The following RIMBP2 variants were observed in gnomAD, a reference collection of about 807,000 sequenced individuals.
The protein encoded by RIMBP2 is RIMS-binding protein 2.
Under a neutral mutation model 118.6 loss-of-function variants are expected in RIMBP2, and 48 were observed. The ratio of observed to expected loss-of-function variants is 0.40; its 90% CI spans 0.32 to 0.51. RIMBP2 has a LOEUF of 0.51. Ranked by LOEUF, RIMBP2 falls within the 20% of genes least tolerant of loss-of-function variation. RIMBP2 has a pLI of 0.41. For missense variants in RIMBP2, 1,551 were observed against 1,768.3 expected, an observed-to-expected ratio of 0.88 and a Z score of 2.20; for synonymous variants, 762 against 742.9, an observed-to-expected ratio of 1.03 and a Z score of -0.42.
chr12:130,658,845 G>A (rs541013441), intron 1 of RIMBP2: 2 of 152,414 alleles, frequency 1.3e-5, no homozygotes, highest in East Asian at 3.9e-4. Flanking sequence ...GGTGGCAATA[G>A]ACCAGGCGGA....
chr12:130,634,026 C>T (rs1039515597), intron 1 of RIMBP2, among the ~76,000 whole-genome samples: 1 of 152,210 alleles, frequency 6.6e-6, no homozygotes, highest in African/African-American at 2.4e-5. Flanking sequence ...CGAATGGGAG[C>T]CGTTGGCACA....
chr12:130,515,297 G>C (rs556555611), intron 3 of RIMBP2, among the ~76,000 whole-genome samples: 7 of 152,138 alleles, frequency 4.6e-5, no homozygotes, highest in African/African-American at 1.4e-4. Context: ...TTTTACAACT[G>C]TCACTACCAC....
In RIMBP2 at chr12:130,623,459, T is replaced by C. The variant is rs927185567; in HGVS notation, c.-217+4863A>G. On this transcript the variant is annotated intron_variant, in intron 2 of 22. Transcript: ENST00000690449. This position sits in a 1 kb window ranked among gnomAD's most constrained non-coding sequence, Gnocchi z 4.1. ...CACATTTGCACAGATTCTCGAGTAA[T>C]GTACACAGGTAGCATGGACAAGTAT... 6.6e-6 allele frequency among the ~76,000 whole-genome samples: 1 copy of C among 150,408 alleles called. No homozygotes were observed. The highest frequency in any genetic ancestry group is 1.5e-5 in the Non-Finnish European group (1 of 67,664).
rs67355568 is a variant in RIMBP2, at chr12:130,593,944, G to C, written c.-217+34378C>G. 1.3e-5 allele frequency among the ~76,000 whole-genome samples: 2 copies of C among 151,982 alleles called. 1 individual carries two copies. Among genetic ancestry groups the C allele is most frequent in the Non-Finnish European group, 2.9e-5 (2 of 68,010 alleles). On this transcript the variant is annotated intron_variant, in intron 2 of 22. Coordinates refer to ENST00000690449, the MANE Select transcript of RIMBP2 (RefSeq NM_001393629.1). ...ATGAGGTTCTCTTCTGGTGGTTTGCGTTACAATGTCTTCCAGCTCCACACC... is the reference window on the plus strand; with the variant it reads ...ATGAGGTTCTCTTCTGGTGGTTTGCCTTACAATGTCTTCCAGCTCCACACC...
At position 130,397,362 on chromosome 12, in the gene RIMBP2, C is replaced by A; in HGVS notation, c.4088G>T (p.Ter1363LeuextTer12). ...KLLKKLGAVK[*>L] is the part of the protein sequence containing the mutation. ...GGCAGTTGTCCGGAAGCACATGAAT[C>A]ATTTCACTGCACCCAGCTTTTTCAG... is the stretch of plus-strand genomic sequence containing the variant. The change falls in exon 23 of 23, where the codon TGA becomes TTA. Residue 1363 changes from the stop codon to leucine, a stop_lost. Coordinates refer to ENST00000690449, the MANE Select transcript of RIMBP2 (RefSeq NM_001393629.1). The A allele has an allele frequency of 2.5e-6, 1 of 398,998 alleles. No homozygotes were observed. Among genetic ancestry groups the A allele is most frequent in the South Asian group, 1.3e-4 (1 of 7,820 alleles). The allele number at this position is 398,998 out of a possible 1,614,324, so 24.7% of individuals were successfully genotyped here. A position where few individuals can be genotyped will look rare whatever the true frequency, so the allele number is the denominator to read the frequency against.
chr12:130,464,384 T>C (rs1485158133), intron 6 of RIMBP2, among the ~76,000 whole-genome samples: 1 of 152,164 alleles, frequency 6.6e-6, no homozygotes, highest in Non-Finnish European at 1.5e-5. Flanking sequence ...GAATACCTAC[T>C]ATGTGCCAGG....
At chr12:130,438,309 G>C (rs964563012) in intron 12 of RIMBP2, 56 bp downstream of exon 12, 11 of 1,593,672 alleles carry the variant, frequency 6.9e-6, no homozygotes, top group Non-Finnish European at 6.0e-6. Context: ...TACCGGGCCG[G>C]TCCCTGCTGC....
chr12:130,588,750 T>A (rs2059076158), intron 2 of RIMBP2, among the ~76,000 whole-genome samples: 1 of 152,246 alleles, frequency 6.6e-6, no homozygotes, highest in African/African-American at 2.4e-5. Flanking sequence ...TATCCTGTCA[T>A]CTGTTGAACA....
intron 5 of RIMBP2, chr12:130,472,210 G>A (rs1462984594): frequency 6.6e-6 from 1 of 152,178 alleles, no homozygotes; most frequent in Non-Finnish European, 1.5e-5. Flanking sequence ...TTCAGTGATG[G>A]GCACAAAAAC....
chr12:130,685,762 C>T (rs2065010245), intron 1 of RIMBP2, among the ~76,000 whole-genome samples: 1 of 152,200 alleles, frequency 6.6e-6, no homozygotes. Context: ...GGATGAGATT[C>T]ACAGATGCCC....
chr12:130,608,020 A>T (rs1182644359), intron 2 of RIMBP2, among the ~76,000 whole-genome samples: 1 of 152,138 alleles, frequency 6.6e-6, no homozygotes, highest in African/African-American at 2.4e-5. Flanking sequence ...TTGCCACTGA[A>T]GTAAATATGC....
At chr12:130,684,246 C>A (rs1265648292) in intron 1 of RIMBP2, among the ~76,000 whole-genome samples, 1 of 152,148 alleles carries the variant, frequency 6.6e-6, no homozygotes, top group Non-Finnish European at 1.5e-5. Context: ...CATCCCTACC[C>A]CCACCCACAC....
At chr12:130,606,812 G>C (rs2060218540) in intron 2 of RIMBP2, among the ~76,000 whole-genome samples, 1 of 152,052 alleles carries the variant, frequency 6.6e-6, no homozygotes, top group African/African-American at 2.4e-5. Context: ...GGCCGCAACA[G>C]TCCGAGTCAC....
rs568494232 is a variant in RIMBP2 at position 130,468,829 on chromosome 12, C to G, written c.153+1864G>C. ...CTCTCCTCTGCGGTCATCTGAACCC[C>G]AGGACTGCTCTCCCAGCCTGACAGT... On this transcript the variant is annotated intron_variant, in intron 6 of 22. Coordinates refer to ENST00000690449, the MANE Select transcript of RIMBP2 (RefSeq NM_001393629.1). 2.2e-4 allele frequency among the ~76,000 whole-genome samples: 33 copies of G among 152,332 alleles called. No homozygotes were observed. In the East Asian group the frequency reaches 4.2e-3, roughly 20 times the overall value.
rs1162638412 is a variant in RIMBP2 at position 130,469,829 on chromosome 12, C to CGTCA, written c.153+863_153+864insTGAC. Among the ~76,000 whole-genome samples the CGTCA allele has an allele frequency of 1.3e-5, 2 of 152,186 alleles. No individual in the cohort carries two copies. Among genetic ancestry groups the CGTCA allele is most frequent in the Non-Finnish European group, 2.9e-5 (2 of 68,028 alleles). ...TTACCGGGAGGACGCCACCCCAGGG[C>CGTCA]AGATCCCCTCCGAGGTAAATCTCTC... On this transcript the variant is annotated intron_variant, in intron 6 of 22. Coordinates refer to ENST00000690449, the MANE Select transcript of RIMBP2 (RefSeq NM_001393629.1). This position sits in a 1 kb window ranked among gnomAD's most constrained non-coding sequence, Gnocchi z 4.8.
At chr12:130,490,452 T>C (rs574296703) in intron 4 of RIMBP2, among the ~76,000 whole-genome samples, 1 of 152,318 alleles carries the variant, frequency 6.6e-6, no homozygotes, top group South Asian at 2.1e-4. Flanking sequence ...TCTTCCCAAC[T>C]AGGAAAGCTT....
intron 2 of RIMBP2, among the ~76,000 whole-genome samples, chr12:130,553,108 G>A (rs997390065): frequency 4.0e-5 from 6 of 150,314 alleles, no homozygotes; most frequent in African/African-American, 7.3e-5. Context: ...AGCCGAGATC[G>A]CACCACTGCA....
At position 130,621,334 on chromosome 12, in the gene RIMBP2, G is replaced by A. The variant is rs1044011544; in HGVS notation, c.-217+6988C>T. 3.9e-5 allele frequency among the ~76,000 whole-genome samples: 6 copies of A among 152,144 alleles called. No individual in the cohort carries two copies. The highest frequency in any genetic ancestry group is 2.1e-4 in the South Asian group (1 of 4,820). On this transcript the variant is annotated intron_variant, in intron 2 of 22. Coordinates refer to ENST00000690449, the MANE Select transcript of RIMBP2 (RefSeq NM_001393629.1). This position sits in a 1 kb window ranked among gnomAD's most constrained non-coding sequence, Gnocchi z 6.6. ...CTGTAGATATGATAATACAATGTGGGAACAGCGCCAGGCCTGTGAACTCCA... is the reference window on the plus strand; with the variant it reads ...CTGTAGATATGATAATACAATGTGGAAACAGCGCCAGGCCTGTGAACTCCA...
In RIMBP2 at chr12:130,399,007, ATCTT is replaced by A; in HGVS notation, c.3900+668_3900+671del. ...AGTTTTTTGAGACATATTTCTTTGT[ATCTT>A]TTTTTTTTTTTAACCCCACAATGAA... On this transcript the variant is annotated intron_variant, in intron 22 of 22. Transcript: ENST00000690449. 3 of 466,284 alleles carry A rather than the reference ATCTT, an allele frequency of 6.4e-6. No individual in the cohort carries two copies. In the South Asian group the frequency reaches 1.9e-4, roughly 30 times the overall value. The allele number at this position is 466,284 out of a possible 1,614,324, so 28.9% of individuals were successfully genotyped here. A position where few individuals can be genotyped will look rare whatever the true frequency, so the allele number is the denominator to read the frequency against.
Sources: gnomAD v4.1 joint callset for allele counts (sites outside exome capture counted in the v4.1 genomes callset) on GRCh38, gnomAD v4.1.1 for gene constraint, Gnocchi (gnomAD v3.1) non-coding constraint, MANE v1.5 for transcripts, NCBI Gene and HGNC (gene_info 2026-07-23, HGNC 2026-07-21) for gene names.